Variants in KCTD8 observed in about 807,000 individuals in gnomAD.
The protein encoded by KCTD8 is potassium channel tetramerization domain containing 8.
A neutral mutation model predicts 31.5 loss-of-function variants in KCTD8; 27 were observed. That is an observed-to-expected ratio of 0.86 (90% CI 0.63 to 1.18). The LOEUF is 1.18. KCTD8 is among the 50% of genes most tolerant of loss of function. The pLI, the probability that KCTD8 is intolerant of heterozygous loss-of-function variation, is 0.00. For missense variants in KCTD8, 658 were observed against 647.7 expected (o/e 1.02, Z -0.17); for synonymous variants, 290 against 280.0 (o/e 1.04, Z -0.36).
chr4:44,381,909 T>G (rs1720075736), intron 1 of KCTD8, among the ~76,000 whole-genome samples: 1 of 151,776 alleles, frequency 6.6e-6, no homozygotes, highest in Admixed American at 6.6e-5. Flanking sequence ...CAATTAAACC[T>G]ATTTTCTTTA....
chr4:44,272,474 A>G (rs1716642025), intron 1 of KCTD8, among the ~76,000 whole-genome samples: 1 of 152,116 alleles, frequency 6.6e-6, no homozygotes, highest in Non-Finnish European at 1.5e-5. Context: ...ACTGTAAACC[A>G]TCAGATATTT....
chr4:44,427,075 T>G (rs1184550882), intron 1 of KCTD8, among the ~76,000 whole-genome samples: 1 of 151,544 alleles, frequency 6.6e-6, no homozygotes, highest in African/African-American at 2.4e-5. Context: ...GAGAGGAAAA[T>G]AAATTGAATA....
chr4:44,378,198 A>C (rs1719965037), intron 1 of KCTD8, among the ~76,000 whole-genome samples: 1 of 146,202 alleles, frequency 6.8e-6, no homozygotes, highest in Admixed American at 7.0e-5. Flanking sequence ...TAAAAAATAC[A>C]TACATATATA....
intron 1 of KCTD8, among the ~76,000 whole-genome samples, chr4:44,369,215 A>C (rs1451043661): frequency 1.3e-5 from 2 of 152,202 alleles, no homozygotes; most frequent in Non-Finnish European, 2.9e-5. Context: ...GATTGGACAG[A>C]GATTATTTAA....
chr4:44,246,720 T>C (rs1055622875), intron 1 of KCTD8, among the ~76,000 whole-genome samples: 2 of 151,954 alleles, frequency 1.3e-5, no homozygotes, highest in African/African-American at 4.8e-5. Flanking sequence ...ATTCCCCCAT[T>C]TCTACCTTCA....
intron 1 of KCTD8, among the ~76,000 whole-genome samples, chr4:44,435,813 A>G (rs16856936): frequency 0.02 from 3,044 of 152,168 alleles, 115 homozygotes; most frequent in African/African-American, 0.07. Context: ...GCTACAAACC[A>G]AATTTCCTGA....
At chr4:44,201,151 A>G (rs990850456) in intron 1 of KCTD8, among the ~76,000 whole-genome samples, 2 of 152,174 alleles carry the variant, frequency 1.3e-5, no homozygotes, top group African/African-American at 4.8e-5. Flanking sequence ...GCTGAAAAAA[A>G]TCAGAGATGA....
chr4:44,270,162 C>T (rs904007921), intron 1 of KCTD8, among the ~76,000 whole-genome samples: 6 of 152,050 alleles, frequency 3.9e-5, no homozygotes, highest in African/African-American at 1.4e-4. Flanking sequence ...CAATGATAGA[C>T]TGGATTAAGA....
intron 1 of KCTD8, among the ~76,000 whole-genome samples, chr4:44,331,071 G>C (rs1176519270): frequency 2.6e-5 from 4 of 151,744 alleles, no homozygotes; most frequent in African/African-American, 9.7e-5. Context: ...CAATGGAAAA[G>C]TTTTTCACAA....
intron 1 of KCTD8, among the ~76,000 whole-genome samples, chr4:44,355,720 G>A (rs1040865157): frequency 3.9e-5 from 6 of 151,994 alleles, no homozygotes; most frequent in African/African-American, 9.7e-5. Flanking sequence ...CAATCTCTTC[G>A]TGAAAATTAT....
intron 1 of KCTD8, among the ~76,000 whole-genome samples, chr4:44,189,670 G>A (rs1560390138): frequency 6.6e-6 from 1 of 150,636 alleles, no homozygotes. Flanking sequence ...CACAATCACA[G>A]AACTGTCTCT....
At chr4:44,336,560 A>T (rs1456487231) in intron 1 of KCTD8, among the ~76,000 whole-genome samples, 1 of 152,130 alleles carries the variant, frequency 6.6e-6, no homozygotes. Flanking sequence ...CAAAACAACA[A>T]GACATTAAAC....
At chr4:44,357,972 A>C (rs1016164864) in intron 1 of KCTD8, among the ~76,000 whole-genome samples, 71 of 152,020 alleles carry the variant, frequency 4.7e-4, no homozygotes, top group African/African-American at 1.7e-3. Flanking sequence ...ATAGGTATAC[A>C]CATGCCATGG....
At chr4:44,395,041 C>T (rs1720462955) in intron 1 of KCTD8, among the ~76,000 whole-genome samples, 1 of 152,004 alleles carries the variant, frequency 6.6e-6, no homozygotes, top group Non-Finnish European at 1.5e-5. Context: ...TGATATTACC[C>T]TCTAGATTTC....
At chr4:44,367,879 A>G (rs1332260831) in intron 1 of KCTD8, among the ~76,000 whole-genome samples, 2 of 151,566 alleles carry the variant, frequency 1.3e-5, no homozygotes, top group Non-Finnish European at 3.0e-5. Context: ...ATAGGACCAA[A>G]AAAAAAAAAT....
At chr4:44,351,626 C>G (rs1560433441) in intron 1 of KCTD8, among the ~76,000 whole-genome samples, 1 of 152,048 alleles carries the variant, frequency 6.6e-6, no homozygotes. Flanking sequence ...GTTTTAAGGG[C>G]TTAAGGTTCA....
At chr4:44,224,013 T>C (rs1236676660) in intron 1 of KCTD8, among the ~76,000 whole-genome samples, 1 of 152,224 alleles carries the variant, frequency 6.6e-6, no homozygotes, top group African/African-American at 2.4e-5. Context: ...TTCTTTAATG[T>C]TTCTTGCTTC....
At chr4:44,293,943 T>G (rs1717355973) in intron 1 of KCTD8, 4 of 345,500 alleles carry the variant, frequency 1.2e-5, no homozygotes, top group Middle Eastern at 4.9e-4. Flanking sequence ...TCTTGAGCAT[T>G]TTATTTTATA....
At chr4:44,333,144 C>T (rs771105778) in intron 1 of KCTD8, among the ~76,000 whole-genome samples, 14 of 151,990 alleles carry the variant, frequency 9.2e-5, no homozygotes, top group Non-Finnish European at 2.1e-4. Context: ...GGAGACAGTG[C>T]AATGAATATC....
Sources: allele counts gnomAD v4.1 joint callset (sites outside exome capture counted in the v4.1 genomes callset), GRCh38; gene constraint gnomAD v4.1.1; transcripts MANE v1.5; gene names NCBI Gene and HGNC (gene_info 2026-07-23, HGNC 2026-07-21).